Variants in SMAD6 observed in about 807,000 individuals in gnomAD.
SMAD6 encodes MAD homolog 6.
In SMAD6, 103 loss-of-function variants were observed where a neutral mutation model predicts 39.4. That is an observed-to-expected ratio of 2.62 (90% CI 2.23 to 3.08). SMAD6 has a LOEUF of 3.08. Ranked by LOEUF, SMAD6 falls within the 30% of genes most tolerant of loss-of-function variation. The pLI is 0.00. For missense variants in SMAD6, 1,104 were observed against 742.9 expected (o/e 1.49, Z -5.65); for synonymous variants, 445 against 353.3 (o/e 1.26, Z -2.91).
chr15:66,717,061 C>A (rs1893343723), intron 3 of SMAD6: 1 of 1,288,976 alleles, frequency 7.8e-7, no homozygotes, highest in Non-Finnish European at 1.0e-6. Context: ...AGTCCTCTGT[C>A]CCCTGCAGTT....
rs746421762 is a variant in SMAD6, at chr15:66,711,741, T to G, written c.874+17T>G. ...AGCCACTGGGTAAGTGTGCCCTCCT[T>G]CCTACCCTTGCAGAGGTGTGTCCCG... On this transcript the variant is annotated intron_variant, in intron 2 of 3. Coordinates refer to ENST00000288840, the MANE Select transcript of SMAD6 (RefSeq NM_005585.5). 3.1e-6 allele frequency: 5 copies of G among 1,605,936 alleles called. No individual in the cohort carries two copies. The South Asian group carries it at 3.3e-5, about 11-fold the overall frequency.
Position 66,703,932 on chromosome 15 carries a change from T to A in SMAD6, c.674T>A (p.Leu225Gln). The change falls in exon 1 of 4, where the codon CTG becomes CAG. Residue 225 changes from leucine to glutamine, a missense_variant. Leu to Gln is a moderately radical substitution (Grantham distance 113). Coordinates refer to ENST00000288840, the MANE Select transcript of SMAD6 (RefSeq NM_005585.5). ...LGGQPAPPQL[L>Q]LGRLFRWPDL... ...GGCCAGCCCGCGCCGCCGCAGCTGC[T>A]GCTCGGCCGCCTCTTTCGCTGGCCC... 7.4e-7 allele frequency: 1 copy of A among 1,356,936 alleles called. No homozygotes were observed. The highest frequency in any genetic ancestry group is 9.5e-7 in the Non-Finnish European group (1 of 1,054,532). The allele number at this position is 1,356,936 out of a possible 1,614,324, so 84.1% of individuals were successfully genotyped here.
intron 3 of SMAD6, among the ~76,000 whole-genome samples, chr15:66,761,466 C>CCGACAG (rs1202512055): frequency 6.6e-6 from 1 of 152,218 alleles, no homozygotes; most frequent in African/African-American, 2.4e-5. Flanking sequence ...GGGAGTTGTT[C>CCGACAG]CGACAGCGAT....
rs767379771 is a variant in SMAD6 at position 66,703,633 on chromosome 15, C to T, written c.375C>T (p.Thr125=). ...WLPESDCETV[T]CCLFSERDAA... ...CCGAGAGTGACTGCGAGACGGTGAC[C>T]TGCTGTCTCTTTTCGGAGCGGGACG... Residue 125 remains threonine (T), a synonymous_variant, in exon 1 of 4, where the codon ACC becomes ACT. Coordinates refer to ENST00000288840, the MANE Select transcript of SMAD6 (RefSeq NM_005585.5). The T allele has an allele frequency of 2.3e-5, 28 of 1,233,114 alleles. No individual in the cohort carries two copies. In the East Asian group the frequency reaches 4.7e-4, roughly 20 times the overall value. The allele number at this position is 1,233,114 out of a possible 1,614,324, so 76.4% of individuals were successfully genotyped here.
At chr15:66,735,266 G>A (rs952277943) in intron 3 of SMAD6, among the ~76,000 whole-genome samples, 1 of 152,156 alleles carries the variant, frequency 6.6e-6, no homozygotes, top group African/African-American at 2.4e-5. Flanking sequence ...CTGCCTATTT[G>A]GCCTCTGGTC....
chr15:66,704,338 G>A (rs1893061788), intron 1 of SMAD6: 1 of 340,896 alleles, frequency 2.9e-6, no homozygotes, highest in South Asian at 1.5e-4. Context: ...CAGTTTCAGG[G>A]ACATGATGTA....
chr15:66,748,022 A>T (rs1893936949), intron 3 of SMAD6, among the ~76,000 whole-genome samples: 1 of 152,120 alleles, frequency 6.6e-6, no homozygotes. Context: ...ACTCCTTCCA[A>T]TCATGAGCCT....
intron 3 of SMAD6, among the ~76,000 whole-genome samples, chr15:66,771,596 C>CT: frequency 6.6e-6 from 1 of 152,256 alleles, no homozygotes; most frequent in Middle Eastern, 3.4e-3. Context: ...CTGGGGGACT[C>CT]TGAGGACCAC....
chr15:66,702,436 GA>G lies in SMAD6; in HGVS notation c.-822del, dbSNP rs1666899399. On this transcript the variant is annotated 5_prime_UTR_variant, in exon 1 of 4. An upstream open reading frame in the 5' UTR loses its in-frame stop. Transcript: ENST00000288840. ...CCGGGAGGCACTTTTGTGGAGGGGG[GA>G]GGGGGGGCGACCTCGGCAGCCTCGG... The G allele has an allele frequency of 3.3e-5, 5 of 151,998 alleles. No individual in the cohort carries two copies. The highest frequency in any genetic ancestry group is 1.3e-4 in the Admixed American group (2 of 15,238). The allele number at this position is 151,998 out of a possible 1,614,324, so 9.4% of individuals were successfully genotyped here. A position where few individuals can be genotyped will look rare whatever the true frequency, so the allele number is the denominator to read the frequency against.
intron 3 of SMAD6, among the ~76,000 whole-genome samples, chr15:66,727,301 C>T (rs1161052050): frequency 1.3e-5 from 2 of 152,106 alleles, no homozygotes; most frequent in Non-Finnish European, 2.9e-5. Context: ...TGGGGTTTCA[C>T]CATGTTGGCC....
Position 66,780,970 on chromosome 15 carries a change from G to C in SMAD6, c.953-27G>C, listed in dbSNP as rs542439720. ...CTCCCACCTCCCCACCCAGAATAAC[G>C]CGGCGGTCCCTGTGCTTGTCCCGCA... On this transcript the variant is annotated intron_variant, in intron 3 of 3. Transcript: ENST00000288840. 2.7e-4 allele frequency: 417 copies of C among 1,524,692 alleles called. 4 individuals carry two copies. In the South Asian group the frequency reaches 4.0e-3, roughly 15 times the overall value. The allele number at this position is 1,524,692 out of a possible 1,614,324, so 94.4% of individuals were successfully genotyped here.
intron 3 of SMAD6, among the ~76,000 whole-genome samples, chr15:66,759,884 T>C (rs1894168351): frequency 6.6e-6 from 1 of 152,170 alleles, no homozygotes; most frequent in African/African-American, 2.4e-5. Flanking sequence ...TGGGAACTGT[T>C]TGGGTTCTGG....
intron 3 of SMAD6, among the ~76,000 whole-genome samples, chr15:66,725,869 A>T (rs947390787): frequency 1.3e-5 from 2 of 152,180 alleles, no homozygotes; most frequent in Non-Finnish European, 2.9e-5. Context: ...GCTGCAGAAC[A>T]GGTGGCCATG....
chr15:66,755,994 A>G (rs1448067807), intron 3 of SMAD6, among the ~76,000 whole-genome samples: 1 of 151,890 alleles, frequency 6.6e-6, no homozygotes, highest in Non-Finnish European at 1.5e-5. Context: ...AGGAAGGAAA[A>G]GATTCCCAGA....
intron 3 of SMAD6, among the ~76,000 whole-genome samples, chr15:66,776,023 C>T (rs2140675451): frequency 6.6e-6 from 1 of 152,324 alleles, no homozygotes; most frequent in East Asian, 1.9e-4. Flanking sequence ...GGACACACCG[C>T]ATGAAATCTG....
At chr15:66,730,253 G>T (rs1447717645) in intron 3 of SMAD6, among the ~76,000 whole-genome samples, 3 of 152,166 alleles carry the variant, frequency 2.0e-5, no homozygotes, top group Admixed American at 2.0e-4. Flanking sequence ...GAGAAGTTGG[G>T]GTAGAGGGAT....
chr15:66,717,496 G>T (rs745817399), intron 3 of SMAD6: 3 of 450,034 alleles, frequency 6.7e-6, no homozygotes, highest in South Asian at 3.1e-5. Context: ...CCACTTTTCT[G>T]CAAGGGCCAA....
chr15:66,703,710 AGCCGGCG>A lies in SMAD6; in HGVS notation c.454_460del (p.Pro152AlafsTer27). 1.5e-6 allele frequency: 2 copies of A among 1,346,162 alleles called. No individual in the cohort carries two copies. The highest frequency in any genetic ancestry group is 1.9e-6 in the Non-Finnish European group (2 of 1,035,638). The allele number at this position is 1,346,162 out of a possible 1,614,324, so 83.4% of individuals were successfully genotyped here. ...GACCCCCTGGCCGGGGCGGCCCTGG[AGCCGGCG>A]GGCGGCGGGCGGAGTCGCGAAGCGC... On this transcript the variant is annotated frameshift_variant, in exon 1 of 4. Coordinates refer to ENST00000288840, the MANE Select transcript of SMAD6 (RefSeq NM_005585.5). LOFTEE classifies it high-confidence loss of function.
At chr15:66,704,430 A>T (rs1893064062) in intron 1 of SMAD6, 3 of 200,452 alleles carry the variant, frequency 1.5e-5, no homozygotes, top group East Asian at 2.2e-4. Context: ...TCCTACCTCA[A>T]TTCCGGAATC....
Sources: gnomAD v4.1 joint callset for allele counts (sites outside exome capture counted in the v4.1 genomes callset) on GRCh38, gnomAD v4.1.1 for gene constraint, MANE v1.5 for transcripts, NCBI Gene and HGNC (gene_info 2026-07-23, HGNC 2026-07-21) for gene names.